SP140L: variants seen among roughly 807,000 people sequenced by gnomAD.
SP140L encodes the protein SP140 like nuclear body protein.
Under a neutral mutation model 84.3 loss-of-function variants are expected in SP140L, and 64 were observed. The observed-to-expected ratio is 0.76, with a 90% CI of 0.62 to 0.94. The LOEUF is 0.94. SP140L is among the 40% of genes least tolerant of loss of function. The pLI is 0.00. For missense variants in SP140L, 628 were observed against 692.5 expected (o/e 0.91, Z 1.05); for synonymous variants, 242 against 236.9 (o/e 1.02, Z -0.20).
At chr2:230,332,498 C>G (rs1173870470) in intron 2 of SP140L, among the ~76,000 whole-genome samples, 1 of 152,234 alleles carries the variant, frequency 6.6e-6, no homozygotes, top group Non-Finnish European at 1.5e-5. Context: ...TCTCCCCTAA[C>G]ACTCCTTTTC....
chr2:230,377,941 T>C (rs1239476871), intron 7 of SP140L, among the ~76,000 whole-genome samples: 4 of 152,314 alleles, frequency 2.6e-5, no homozygotes. Flanking sequence ...GTTTTTGGTG[T>C]TAGCGCTTAT....
intron 13 of SP140L, among the ~76,000 whole-genome samples, chr2:230,396,399 A>G (rs905112731): frequency 1.3e-5 from 2 of 152,394 alleles, no homozygotes; most frequent in East Asian, 1.9e-4. Flanking sequence ...CACTCAGAAC[A>G]AGAAGAGGTT....
intron 4 of SP140L, among the ~76,000 whole-genome samples, chr2:230,360,428 T>A (rs1412943720): frequency 2.6e-5 from 4 of 152,252 alleles, no homozygotes; most frequent in African/African-American, 7.2e-5. Context: ...GGCTTATTGA[T>A]TTGTGTTAAT....
At chr2:230,386,668 G>A (rs2061595437) in intron 9 of SP140L, among the ~76,000 whole-genome samples, 2 of 152,122 alleles carry the variant, frequency 1.3e-5, no homozygotes, top group African/African-American at 4.8e-5. Context: ...GCTCCAGTTT[G>A]TTCTGTACCA....
chr2:230,401,435 T>C lies in SP140L; in HGVS notation c.1492T>C (p.Tyr498His). Residue 498 changes from tyrosine (Y) to histidine (H), a missense_variant, in exon 17 of 19, where the codon TAT becomes CAT. By Grantham distance (83) the Tyr-to-His change is moderately conservative. Around this residue, in one of 4 missense-constraint regions of SP140L, gnomAD observed 52 missense variants for 87.0 expected, o/e 0.60. Coordinates refer to ENST00000415673, the MANE Select transcript of SP140L (RefSeq NM_138402.6). ...CTCCTTTTTTGCCAAGATTCCATAC[T>C]ATTATTATGTAAGTAACAACAGCAA... ...ESSFFAKIPY[Y>H]YYIREACQGL... is the part of the protein sequence containing the mutation. 2 of 1,518,192 alleles carry C rather than the reference T, an allele frequency of 1.3e-6. No individual in the cohort carries two copies. The highest frequency in any genetic ancestry group is 8.9e-7 in the Non-Finnish European group (1 of 1,123,270). The allele number at this position is 1,518,192 out of a possible 1,614,324, so 94.0% of individuals were successfully genotyped here.
intron 9 of SP140L, among the ~76,000 whole-genome samples, chr2:230,388,253 A>G (rs769760626): frequency 6.6e-6 from 1 of 152,162 alleles, no homozygotes; most frequent in Non-Finnish European, 1.5e-5. Context: ...ATGAAATGAA[A>G]CTTCAAAATA....
At chr2:230,356,455 G>T (rs1193888730) in intron 2 of SP140L, among the ~76,000 whole-genome samples, 1 of 152,156 alleles carries the variant, frequency 6.6e-6, no homozygotes, top group Non-Finnish European at 1.5e-5. Flanking sequence ...CAACATAGAT[G>T]ATAAGCAAAA....
chr2:230,343,566 T>C (rs7588030), intron 2 of SP140L, among the ~76,000 whole-genome samples: 128,839 of 146,806 alleles, frequency 0.88, 58,434 homozygotes, highest in East Asian at 1. Context: ...ATCTTTATAA[T>C]AGAATGATTT....
intron 5 of SP140L, among the ~76,000 whole-genome samples, chr2:230,367,802 C>T (rs1559433340): frequency 6.6e-6 from 1 of 152,050 alleles, no homozygotes; most frequent in Non-Finnish European, 1.5e-5. Flanking sequence ...CATGGTGGCA[C>T]GTGCCTGTAA....
intron 5 of SP140L, among the ~76,000 whole-genome samples, chr2:230,365,455 C>A: frequency 6.6e-6 from 1 of 151,958 alleles, no homozygotes; most frequent in East Asian, 1.9e-4. Flanking sequence ...CTCTTATGGT[C>A]CTTTGTATGT....
chr2:230,346,128 AAGAT>A (rs1366281448), intron 2 of SP140L, among the ~76,000 whole-genome samples: 8 of 152,176 alleles, frequency 5.3e-5, no homozygotes, highest in African/African-American at 1.9e-4. Flanking sequence ...GCCTTCATTT[AAGAT>A]AGATAGATTT....
Position 230,385,881 on chromosome 2 carries a change from T to C in SP140L, c.784+577T>C, listed in dbSNP as rs144204120. Among the ~76,000 whole-genome samples the C allele has an allele frequency of 7.0e-3, 1,069 of 152,302 alleles. 12 individuals carry two copies. The highest frequency in any genetic ancestry group is 0.024 in the African/African-American group (1,002 of 41,560). ...GTCTTCTCTTATTCTGTCTTGGCCCTACCCCCACTCCATAGCTGTTGGCTT... is the reference window on the plus strand; with the variant it reads ...GTCTTCTCTTATTCTGTCTTGGCCCCACCCCCACTCCATAGCTGTTGGCTT... On this transcript the variant is annotated intron_variant, in intron 9 of 18. Transcript: ENST00000415673.
At chr2:230,345,491 T>C (rs898021425) in intron 2 of SP140L, among the ~76,000 whole-genome samples, 2 of 152,172 alleles carry the variant, frequency 1.3e-5, no homozygotes, top group African/African-American at 2.4e-5. Context: ...GAGAATTTAA[T>C]CCATTTATTG....
At chr2:230,380,100 C>G (rs998573318) in intron 7 of SP140L, among the ~76,000 whole-genome samples, 1 of 152,114 alleles carries the variant, frequency 6.6e-6, no homozygotes, top group African/African-American at 2.4e-5. Context: ...ACTCACAGTA[C>G]CATGTGACTG....
chr2:230,351,885 G>A (rs942206699), intron 2 of SP140L, among the ~76,000 whole-genome samples: 9 of 152,138 alleles, frequency 5.9e-5, no homozygotes, highest in African/African-American at 1.7e-4. Context: ...GAACTCAAGT[G>A]ATCCACCCGC....
chr2:230,398,409 G>A (rs1055305519), intron 14 of SP140L, among the ~76,000 whole-genome samples: 6 of 152,168 alleles, frequency 3.9e-5, no homozygotes, highest in African/African-American at 1.4e-4. Flanking sequence ...AGAAAAAAAA[G>A]GGCAGATAAG....
At chr2:230,366,018 T>A (rs1490596586) in intron 5 of SP140L, among the ~76,000 whole-genome samples, 1 of 152,194 alleles carries the variant, frequency 6.6e-6, no homozygotes, top group Non-Finnish European at 1.5e-5. Context: ...TTCGTGACTT[T>A]AAGTTTGTAG....
chr2:230,354,873 G>GAAAGAAAGAA (rs1553617584), intron 2 of SP140L, among the ~76,000 whole-genome samples: 5 of 116,352 alleles, frequency 4.3e-5, no homozygotes, highest in Admixed American at 1.0e-4. Flanking sequence ...AAGAAAGAAA[G>GAAAGAAAGAA]AAAGAAAGAA....
chr2:230,379,534 G>T (rs528108211), intron 7 of SP140L, among the ~76,000 whole-genome samples: 1 of 152,086 alleles, frequency 6.6e-6, no homozygotes, highest in African/African-American at 2.4e-5. Flanking sequence ...TTTTACAGTT[G>T]ATATTTACTT....
Sources: gnomAD v4.1 joint callset for allele counts (sites outside exome capture counted in the v4.1 genomes callset) on GRCh38, gnomAD v4.1.1 for gene constraint, gnomAD v4.1.1 regional missense constraint, MANE v1.5 for transcripts, NCBI Gene and HGNC (gene_info 2026-07-23, HGNC 2026-07-21) for gene names.